Variants in OCM observed in about 807,000 individuals in gnomAD.
The protein encoded by OCM is oncomodulin-1.
A neutral mutation model predicts 14.1 loss-of-function variants in OCM; 18 were observed. The observed-to-expected ratio is 1.28, with a 90% CI of 0.88 to 1.89. OCM has a LOEUF of 1.89. OCM is among the 40% of genes most tolerant of loss of function. The probability of loss-of-function intolerance (pLI) is 0.00; values close to 1 mark genes in which losing one functional copy is unlikely to be tolerated. For missense variants in OCM, 140 were observed against 137.6 expected, an observed-to-expected ratio of 1.02 and a Z score of -0.09; for synonymous variants, 48 against 51.0, an observed-to-expected ratio of 0.94 and a Z score of 0.25.
chr7:5,885,753 G>C (rs1334256113), intron 3 of OCM, among the ~76,000 whole-genome samples: 4 of 151,974 alleles, frequency 2.6e-5, no homozygotes, highest in Non-Finnish European at 5.9e-5. Context: ...TGGGACTACA[G>C]GCACGTGCCA....
At chr7:5,871,166 G>C in the OCM span, among the ~76,000 whole-genome samples, 1 of 117,014 alleles carries the variant, frequency 8.5e-6, no homozygotes, top group Non-Finnish European at 1.7e-5. Flanking sequence ...GGGCAACATA[G>C]TGAGAGCCCC....
At chr7:5,873,060 C>A in the OCM span, among the ~76,000 whole-genome samples, 2 of 151,390 alleles carry the variant, frequency 1.3e-5, no homozygotes, top group Non-Finnish European at 2.9e-5. Flanking sequence ...AGAGCCAGAC[C>A]CTGAATCTAC....
upstream of OCM, among the ~76,000 whole-genome samples, chr7:5,877,008 G>A (rs931341347): frequency 3.3e-5 from 5 of 152,086 alleles, no homozygotes; most frequent in Non-Finnish European, 5.9e-5. Flanking sequence ...GTTTCTCCAC[G>A]TGGGTCAGGC....
chr7:5,868,153 T>A, the OCM span, among the ~76,000 whole-genome samples: 4 of 152,260 alleles, frequency 2.6e-5, no homozygotes, highest in South Asian at 8.3e-4. Flanking sequence ...GTTGTCGCTA[T>A]TGTTTTGTTT....
the OCM span, among the ~76,000 whole-genome samples, chr7:5,864,463 C>T: frequency 2.6e-5 from 4 of 152,178 alleles, no homozygotes; most frequent in South Asian, 4.1e-4. Context: ...TTCTCCTCCA[C>T]GTTCTAGGGT....
the OCM span, among the ~76,000 whole-genome samples, chr7:5,868,603 G>A: frequency 2.0e-5 from 3 of 152,200 alleles, no homozygotes; most frequent in South Asian, 2.1e-4. Flanking sequence ...GACATAGCCA[G>A]TAGTCTCTCA....
chr7:5,864,938 C>CA, the OCM span, among the ~76,000 whole-genome samples: 158 of 143,840 alleles, frequency 1.1e-3, no homozygotes, highest in Admixed American at 1.5e-3. Flanking sequence ...AACTCCCTCT[C>CA]AAAAAAAAAA....
the OCM span, among the ~76,000 whole-genome samples, chr7:5,865,844 G>A: frequency 6.6e-6 from 1 of 152,040 alleles, no homozygotes; most frequent in East Asian, 1.9e-4. Flanking sequence ...GAAATCTTTT[G>A]TTCTTTTATT....
chr7:5,882,691 C>A (rs41280705), intron 2 of OCM, 66 bp downstream of exon 2: 135,029 of 1,574,516 alleles, frequency 0.086, 6,283 homozygotes, highest in South Asian at 0.12. Context: ...GCAGTGGGGG[C>A]CAGGTTGCTC....
At chr7:5,874,363 A>ATACATGATATACATATACATTACAT in the OCM span, among the ~76,000 whole-genome samples, 3 of 152,052 alleles carry the variant, frequency 2.0e-5, no homozygotes, top group African/African-American at 7.2e-5. Flanking sequence ...ATATATACAT[A>ATACATGATATACATATACATTACAT]TACATGATAT....
At chr7:5,872,143 C>T in the OCM span, 1 of 152,208 alleles carries the variant, frequency 6.6e-6, no homozygotes, top group Non-Finnish European at 1.5e-5. Context: ...TATCGTAGGT[C>T]ACAAGGGATG....
chr7:5,862,159 A>T, the OCM span, among the ~76,000 whole-genome samples: 1 of 152,144 alleles, frequency 6.6e-6, no homozygotes, highest in Non-Finnish European at 1.5e-5. Flanking sequence ...TTTTAAAGAC[A>T]GGATCCATAC....
At chr7:5,865,688 G>T in the OCM span, among the ~76,000 whole-genome samples, 1 of 152,168 alleles carries the variant, frequency 6.6e-6, no homozygotes, top group Admixed American at 6.6e-5. Context: ...CTAGCGATGG[G>T]AGAACACTAA....
At chr7:5,868,474 T>TC in the OCM span, among the ~76,000 whole-genome samples, 2 of 151,970 alleles carry the variant, frequency 1.3e-5, no homozygotes, top group African/African-American at 4.8e-5. Context: ...AGCCTTTTCT[T>TC]CCCCCAACAA....
the OCM span, among the ~76,000 whole-genome samples, chr7:5,866,133 C>T: frequency 1.3e-5 from 2 of 148,888 alleles, no homozygotes; most frequent in Non-Finnish European, 3.0e-5. Flanking sequence ...CCAGCCTGGG[C>T]AACATAGCAA....
At chr7:5,877,752 G>A (rs1456736868), upstream of OCM, among the ~76,000 whole-genome samples, 1 of 147,256 alleles carries the variant, frequency 6.8e-6, no homozygotes, top group East Asian at 2.1e-4. Flanking sequence ...CCTGGGAGGT[G>A]GAGGTTGTAG....
Position 5,883,947 on chromosome 7 carries a change from G to A in OCM, c.252G>A (p.Lys84=), listed in dbSNP as rs769180753. ...GAGAACTGACCGAGTCAGAAACCAA[G>A]TCCTTGATGGCTGCGGCGGATAATG... ...GARELTESET[K]SLMAAADNDG... The change falls in exon 3 of 4, where the codon AAG becomes AAA. Residue 84 remains lysine, a synonymous_variant. Transcript: ENST00000242104. 10 of 1,613,672 alleles carry A rather than the reference G, an allele frequency of 6.2e-6. No individual in the cohort carries two copies. In the East Asian group the frequency reaches 2.0e-4, roughly 32 times the overall value.
intron 3 of OCM, among the ~76,000 whole-genome samples, chr7:5,884,785 C>T (rs1781299975): frequency 6.6e-6 from 1 of 151,100 alleles, no homozygotes; most frequent in South Asian, 2.1e-4. Context: ...AGATAGATAG[C>T]TCATAAAAAC....
rs367749696 is a variant in OCM, at chr7:5,886,120, G to C, written c.*31G>C. 98 of 1,602,280 alleles carry C rather than the reference G, an allele frequency of 6.1e-5. No individual in the cohort carries two copies. The highest frequency in any genetic ancestry group is 8.2e-5 in the Non-Finnish European group (96 of 1,169,450). On this transcript the variant is annotated 3_prime_UTR_variant, in exon 4 of 4. Transcript: ENST00000242104. ...CCAGTCTCTGGAGAAAAGAGAGAAA[G>C]GGATAATCACCTGGAAGGATTCCAA...
Sources: allele counts gnomAD v4.1 joint callset (sites outside exome capture counted in the v4.1 genomes callset), GRCh38; gene constraint gnomAD v4.1.1; transcripts MANE v1.5; gene names NCBI Gene and HGNC (gene_info 2026-07-23, HGNC 2026-07-21).